MTUS2: variants seen among roughly 807,000 people sequenced by gnomAD.
The protein encoded by MTUS2 is microtubule-associated tumor suppressor candidate 2.
MTUS2 carries 40 observed loss-of-function variants against 114.1 expected under a neutral mutation model. That is an observed-to-expected ratio of 0.35 (90% confidence interval 0.27 to 0.46). MTUS2 has a LOEUF of 0.46. MTUS2 is among the 20% of genes least tolerant of loss of function. The probability of loss-of-function intolerance (pLI) is 1.00; values close to 1 mark genes in which losing one functional copy is unlikely to be tolerated. For missense variants in MTUS2, 1,679 were observed against 1,705.4 expected (o/e 0.98, Z 0.27); for synonymous variants, 688 against 672.0 (o/e 1.02, Z -0.37).
chr13:28,849,953 A>G (rs1876140962), intron 2 of MTUS2, among the ~76,000 whole-genome samples: 5 of 152,152 alleles, frequency 3.3e-5, no homozygotes, highest in African/African-American at 2.4e-5. Context: ...CCAGGAAACA[A>G]GGTAGTGTCA....
chr13:28,879,371 A>G (rs950328115), intron 2 of MTUS2, among the ~76,000 whole-genome samples: 1 of 152,204 alleles, frequency 6.6e-6, no homozygotes, highest in Non-Finnish European at 1.5e-5. Context: ...TCAATCATTT[A>G]TGAAACCAGT....
At chr13:29,473,438 G>T (rs1242361804) in intron 9 of MTUS2, among the ~76,000 whole-genome samples, 1 of 152,128 alleles carries the variant, frequency 6.6e-6, no homozygotes, top group African/African-American at 2.4e-5. Flanking sequence ...CTCAATTTAT[G>T]AACTGTGGTT....
At chr13:28,849,320 G>C (rs544907554) in intron 2 of MTUS2, among the ~76,000 whole-genome samples, 1 of 152,248 alleles carries the variant, frequency 6.6e-6, no homozygotes, top group Non-Finnish European at 1.5e-5. Context: ...TAAGACACCT[G>C]GATCTCTAAG....
At chr13:29,257,987 C>G (rs1339747742) in intron 5 of MTUS2, among the ~76,000 whole-genome samples, 3 of 152,192 alleles carry the variant, frequency 2.0e-5, no homozygotes, top group African/African-American at 7.2e-5. Context: ...GAAGCCACCT[C>G]TACTCAGCAC....
At chr13:28,923,771 C>G (rs1248153242) in intron 2 of MTUS2, among the ~76,000 whole-genome samples, 1 of 152,164 alleles carries the variant, frequency 6.6e-6, no homozygotes, top group Non-Finnish European at 1.5e-5. Flanking sequence ...TTGTGATGAG[C>G]TCACCTTGCC....
chr13:29,349,387 T>C (rs1869026701), intron 7 of MTUS2, among the ~76,000 whole-genome samples: 1 of 152,172 alleles, frequency 6.6e-6, no homozygotes, highest in African/African-American at 2.4e-5. Context: ...CTATAATACA[T>C]TGTTATTATT....
intron 2 of MTUS2, among the ~76,000 whole-genome samples, chr13:28,921,478 G>T (rs1593301357): frequency 6.6e-6 from 1 of 152,278 alleles, no homozygotes; most frequent in Admixed American, 6.5e-5. Flanking sequence ...GCTGTGAGCT[G>T]CACTGCCTGG....
chr13:29,111,285 G>A (rs933639600), intron 5 of MTUS2, among the ~76,000 whole-genome samples: 5 of 152,142 alleles, frequency 3.3e-5, no homozygotes, highest in African/African-American at 1.2e-4. Flanking sequence ...GTCTTAATAA[G>A]ATAAAAATTT....
intron 2 of MTUS2, among the ~76,000 whole-genome samples, chr13:28,842,817 T>C (rs1875602482): frequency 6.6e-6 from 1 of 152,204 alleles, no homozygotes; most frequent in Non-Finnish European, 1.5e-5. Flanking sequence ...GGAATGACTT[T>C]ACCCTGTGCA....
At position 29,480,794 on chromosome 13, in the gene MTUS2, A is replaced by G. The variant is rs1881108309; in HGVS notation, c.3399+430A>G. The stretch of plus-strand genomic sequence containing the variant: ...ACATTTTTGCTTTTCTACCTTATTT[A>G]TCATCTTTCTATTCCATGAGGGCAG... On this transcript the variant is annotated intron_variant, in intron 10 of 15. Coordinates refer to ENST00000612955, the MANE Select transcript of MTUS2 (RefSeq NM_001033602.4). This position sits in a 1 kb window ranked among gnomAD's most constrained non-coding sequence, Gnocchi z 4.4. Among the ~76,000 whole-genome samples the G allele has an allele frequency of 6.6e-6, 1 of 151,792 alleles. No individual in the cohort carries two copies. The highest frequency in any genetic ancestry group is 1.5e-5 in the Non-Finnish European group (1 of 67,998).
chr13:29,305,835 AAG>A (rs1410286707), intron 6 of MTUS2, among the ~76,000 whole-genome samples: 3 of 152,216 alleles, frequency 2.0e-5, no homozygotes, highest in Non-Finnish European at 4.4e-5. Context: ...ATACAGCAAA[AAG>A]AGAAAACTTC....
chr13:29,063,675 C>A (rs1888525174), intron 4 of MTUS2, among the ~76,000 whole-genome samples: 1 of 152,114 alleles, frequency 6.6e-6, no homozygotes, highest in African/African-American at 2.4e-5. Flanking sequence ...TCTTAAAGAG[C>A]AGGTAAACTT....
chr13:29,282,735 TATC>T (rs1392419383), intron 6 of MTUS2, among the ~76,000 whole-genome samples: 2 of 152,210 alleles, frequency 1.3e-5, no homozygotes, highest in African/African-American at 2.4e-5. Flanking sequence ...TGTATCAATG[TATC>T]ATCATATCAA....
intron 8 of MTUS2, among the ~76,000 whole-genome samples, chr13:29,373,855 A>G (rs955855278): frequency 4.6e-5 from 7 of 152,270 alleles, no homozygotes; most frequent in African/African-American, 1.2e-4. Flanking sequence ...GAATCAGGAA[A>G]TCCTCAGCTT....
chr13:29,383,255 T>TGTGTGTGTGTG (rs1566168651), intron 8 of MTUS2, among the ~76,000 whole-genome samples: 3 of 151,136 alleles, frequency 2.0e-5, no homozygotes, highest in South Asian at 2.1e-4. Context: ...TGTGTGTGTA[T>TGTGTGTGTGTG]TTATTTTTCT....
chr13:29,468,709 A>C (rs1175173651), intron 9 of MTUS2, among the ~76,000 whole-genome samples: 1 of 151,984 alleles, frequency 6.6e-6, no homozygotes, highest in Non-Finnish European at 1.5e-5. Context: ...CCTCTATTTC[A>C]TCTAGTAAAT....
chr13:29,206,661 G>A (rs1210830963), intron 5 of MTUS2, among the ~76,000 whole-genome samples: 2 of 152,138 alleles, frequency 1.3e-5, no homozygotes, highest in Non-Finnish European at 2.9e-5. Context: ...TTGTTGAATA[G>A]GGTGTCCTTT....
At chr13:28,985,248 A>G (rs1884527871) in intron 2 of MTUS2, among the ~76,000 whole-genome samples, 1 of 152,216 alleles carries the variant, frequency 6.6e-6, no homozygotes, top group Non-Finnish European at 1.5e-5. Flanking sequence ...CAATTCAGAC[A>G]TATCTTTGAA....
At chr13:29,118,768 C>CT (rs754737152) in intron 5 of MTUS2, among the ~76,000 whole-genome samples, 1 of 152,190 alleles carries the variant, frequency 6.6e-6, no homozygotes, top group Non-Finnish European at 1.5e-5. Context: ...AGGACAGTGA[C>CT]TAGGACTATA....
Sources: allele counts gnomAD v4.1 joint callset (sites outside exome capture counted in the v4.1 genomes callset), GRCh38; gene constraint gnomAD v4.1.1; non-coding constraint Gnocchi (gnomAD v3.1); transcripts MANE v1.5; gene names NCBI Gene and HGNC (gene_info 2026-07-23, HGNC 2026-07-21).